Variants in PVT1 observed in about 807,000 individuals in gnomAD.
PVT1 encodes Pvt1 oncogene, also known as CXCR4/PVT1 fusion.
intron 4 of PVT1, among the ~76,000 whole-genome samples, chr8:128,018,826 C>G (rs1183308400): frequency 6.6e-6 from 1 of 152,200 alleles, no homozygotes; most frequent in Non-Finnish European, 1.5e-5. Flanking sequence ...CCTCCTCCCC[C>G]CACCACTTAA....
intron 3 of PVT1, among the ~76,000 whole-genome samples, chr8:127,964,458 G>A (rs757587475): frequency 6.6e-6 from 1 of 152,208 alleles, no homozygotes; most frequent in African/African-American, 2.4e-5. Flanking sequence ...CAGAGTCAAA[G>A]CCTGGCTTCC....
At chr8:127,799,371 C>T (rs1389667016) in intron 2 of PVT1, among the ~76,000 whole-genome samples, 2 of 151,990 alleles carry the variant, frequency 1.3e-5, no homozygotes, top group Non-Finnish European at 2.9e-5. Flanking sequence ...CCAGCCTGGG[C>T]AGCAGAGTGA....
intron 5 of PVT1, among the ~76,000 whole-genome samples, chr8:128,070,712 C>T (rs757507653): frequency 1.3e-5 from 2 of 152,184 alleles, no homozygotes; most frequent in South Asian, 2.1e-4. Flanking sequence ...CCCCAGTAGA[C>T]TTCCCCTATG....
chr8:128,080,090 A>G (rs558483910), intron 5 of PVT1, among the ~76,000 whole-genome samples: 19 of 152,296 alleles, frequency 1.2e-4, no homozygotes, highest in African/African-American at 4.6e-4. Context: ...GTGCTGAATA[A>G]TATTTCTTTG....
chr8:128,057,087 A>G lies in PVT1; in HGVS notation n.913-13073A>G, dbSNP rs549149800. Among the ~76,000 whole-genome samples the G allele has an allele frequency of 3.9e-5, 6 of 152,288 alleles. No individual in the cohort carries two copies. In the South Asian group the frequency reaches 1.2e-3, roughly 32 times the overall value. On this transcript the variant is annotated intron_variant and non_coding_transcript_variant, in intron 4 of 10. Transcript: ENST00000651587. The stretch of plus-strand genomic sequence containing the variant: ...AGCTGACGTCAAGTTTAGCTGTGAG[A>G]TAACCAGACCACCCTGAGCTTCCCT...
At chr8:127,940,093 AC>A (rs1221325699) in intron 3 of PVT1, 1 of 152,174 alleles carries the variant, frequency 6.6e-6, no homozygotes, top group Non-Finnish European at 1.5e-5. Context: ...GACCGCTTTC[AC>A]AAAACCACTG....
intron 2 of PVT1, among the ~76,000 whole-genome samples, chr8:127,839,351 C>T (rs1445667988): frequency 6.6e-6 from 1 of 151,700 alleles, no homozygotes. Context: ...AGTTTGAGAC[C>T]AGCCTGGGCA....
At chr8:127,948,812 C>A (rs1025715789) in intron 3 of PVT1, 4 of 152,212 alleles carry the variant, frequency 2.6e-5, no homozygotes, top group African/African-American at 9.6e-5. Flanking sequence ...AGGAAATAAA[C>A]CTCTGTTGTC....
chr8:127,867,265 G>A (rs995222864), intron 2 of PVT1, among the ~76,000 whole-genome samples: 4 of 152,240 alleles, frequency 2.6e-5, no homozygotes, highest in African/African-American at 9.6e-5. Context: ...TGGGAGGGTG[G>A]AGGAGGAGGG....
chr8:127,964,565 C>G (rs1393212498), intron 3 of PVT1, among the ~76,000 whole-genome samples: 2 of 152,142 alleles, frequency 1.3e-5, no homozygotes, highest in African/African-American at 4.8e-5. Context: ...AATTTATTGT[C>G]TTACAGTTCT....
intron 2 of PVT1, among the ~76,000 whole-genome samples, chr8:127,821,379 A>G (rs1814727188): frequency 6.6e-6 from 1 of 152,220 alleles, no homozygotes; most frequent in South Asian, 2.1e-4. Flanking sequence ...TAAAAAAAAG[A>G]AAAAATTCAT....
intron 2 of PVT1, among the ~76,000 whole-genome samples, chr8:127,808,116 C>T (rs954442143): frequency 2.6e-5 from 4 of 152,124 alleles, no homozygotes; most frequent in Non-Finnish European, 4.4e-5. Context: ...GAAGCAATCT[C>T]GGTTCACTGC....
At chr8:127,868,515 G>A (rs1815309977) in intron 2 of PVT1, among the ~76,000 whole-genome samples, 1 of 151,798 alleles carries the variant, frequency 6.6e-6, no homozygotes, top group Admixed American at 6.6e-5. Context: ...GGCTTCCAGA[G>A]TAGCTGGGGT....
At chr8:128,087,770 T>TTTTTTTTTTTTTTTTTTTTTTTTTTTG (rs370583568) in intron 5 of PVT1, among the ~76,000 whole-genome samples, 1 of 115,592 alleles carries the variant, frequency 8.7e-6, no homozygotes, top group Admixed American at 9.4e-5. Context: ...TTTTTTTTTT[T>TTTTTTTTTTTTTTTTTTTTTTTTTTTG]GAGATGGAGT....
chr8:127,972,828 G>C (rs938328329), intron 3 of PVT1, among the ~76,000 whole-genome samples: 1 of 152,160 alleles, frequency 6.6e-6, no homozygotes, highest in African/African-American at 2.4e-5. Context: ...GGAAGGACTG[G>C]GGCATCTGTG....
intron 2 of PVT1, among the ~76,000 whole-genome samples, chr8:127,798,630 C>T (rs1281867299): frequency 7.0e-6 from 1 of 143,870 alleles, no homozygotes; most frequent in Non-Finnish European, 1.5e-5. Flanking sequence ...AGGCTGAGGC[C>T]GGTAGATTAC....
At chr8:128,044,889 A>G (rs1813593153) in intron 4 of PVT1, among the ~76,000 whole-genome samples, 2 of 152,256 alleles carry the variant, frequency 1.3e-5, no homozygotes, top group African/African-American at 4.8e-5. Flanking sequence ...TATTCATTCC[A>G]GCATTCCTAC....
chr8:127,914,279 A>AGAGGC, intron 3 of PVT1, among the ~76,000 whole-genome samples: 1 of 129,366 alleles, frequency 7.7e-6, no homozygotes, highest in African/African-American at 3.8e-5. Flanking sequence ...AAAAAAAAAA[A>AGAGGC]AAAAAAAAAA....
chr8:127,815,595 G>A (rs1471351190), intron 2 of PVT1, among the ~76,000 whole-genome samples: 4 of 152,200 alleles, frequency 2.6e-5, no homozygotes, highest in Non-Finnish European at 4.4e-5. Context: ...AAATATGGAA[G>A]GGAGCACCCA....
Sources: gnomAD v4.1 joint callset for allele counts (sites outside exome capture counted in the v4.1 genomes callset) on GRCh38, gnomAD v4.1.1 for gene constraint, MANE v1.5 for transcripts, NCBI Gene and HGNC (gene_info 2026-07-23, HGNC 2026-07-21) for gene names.